Variants in TENM2 observed in about 807,000 individuals in gnomAD.
TENM2 encodes teneurin transmembrane protein 2, also known as teneurin-2.
In TENM2, 52 loss-of-function variants were observed where a neutral mutation model predicts 245.2. That is an observed-to-expected ratio of 0.21 (90% CI 0.17 to 0.27). TENM2 has a LOEUF of 0.27. Among genes scored for constraint, TENM2 ranks in the 10% least tolerant of loss-of-function variants. TENM2 has a pLI of 1.00. For synonymous variants in TENM2, 1,363 were observed against 1,438.9 expected, an observed-to-expected ratio of 0.95 and a Z score of 1.19; for missense variants, 3,046 against 3,666.8, an observed-to-expected ratio of 0.83 and a Z score of 4.37.
At chr5:168,164,618 GTTCC>G (rs1415463448) in intron 13 of TENM2, among the ~76,000 whole-genome samples, 1 of 152,112 alleles carries the variant, frequency 6.6e-6, no homozygotes, top group Non-Finnish European at 1.5e-5. Context: ...ATTTCCCCAT[GTTCC>G]TTCCTGATGG....
the TENM2 span, among the ~76,000 whole-genome samples, chr5:167,075,846 T>G: frequency 6.6e-6 from 1 of 152,284 alleles, no homozygotes; most frequent in Non-Finnish European, 1.5e-5. Flanking sequence ...CCCACCTACT[T>G]GCAAAAGGGC....
At chr5:167,567,673 G>C (rs988696037) in intron 2 of TENM2, among the ~76,000 whole-genome samples, 1 of 152,014 alleles carries the variant, frequency 6.6e-6, no homozygotes, top group African/African-American at 2.4e-5. Flanking sequence ...TTGAACACTG[G>C]TTGATGCGCA....
At chr5:168,158,823 G>A (rs1162722166) in intron 12 of TENM2, among the ~76,000 whole-genome samples, 15 of 64,472 alleles carry the variant, frequency 2.3e-4, no homozygotes, top group South Asian at 8.2e-4. Flanking sequence ...GTGTGTGTGT[G>A]TGTGTGTATA....
intron 3 of TENM2, among the ~76,000 whole-genome samples, chr5:167,901,145 C>T (rs1456669318): frequency 1.3e-5 from 2 of 152,066 alleles, no homozygotes; most frequent in African/African-American, 4.8e-5. Context: ...CAGAGATGAT[C>T]ACTGTTACCC....
chr5:168,217,684 C>T (rs1042554285), intron 22 of TENM2, among the ~76,000 whole-genome samples: 2 of 152,228 alleles, frequency 1.3e-5, no homozygotes, highest in African/African-American at 4.8e-5. Flanking sequence ...TCTTCCAAGT[C>T]ACATGGCTCC....
chr5:167,469,266 T>C (rs1376105514), intron 2 of TENM2, among the ~76,000 whole-genome samples: 1 of 152,134 alleles, frequency 6.6e-6, no homozygotes, highest in East Asian at 1.9e-4. Flanking sequence ...AATAAACATG[T>C]TTGATGGTTA....
chr5:167,334,860 G>A (rs1234934377), intron 1 of TENM2, among the ~76,000 whole-genome samples: 3 of 152,116 alleles, frequency 2.0e-5, no homozygotes, highest in South Asian at 2.1e-4. Flanking sequence ...AATTTATGGA[G>A]GACTTGTAGC....
intron 3 of TENM2, among the ~76,000 whole-genome samples, chr5:167,917,594 G>C (rs903498910): frequency 6.6e-6 from 1 of 152,312 alleles, no homozygotes; most frequent in South Asian, 2.1e-4. Flanking sequence ...CACCTCACCT[G>C]TCTAAGTCTT....
At chr5:167,762,289 T>A (rs1413859917) in intron 2 of TENM2, among the ~76,000 whole-genome samples, 5 of 152,206 alleles carry the variant, frequency 3.3e-5, no homozygotes, top group African/African-American at 1.2e-4. Context: ...AGACCTTTGT[T>A]TCACTCTTAG....
intron 2 of TENM2, among the ~76,000 whole-genome samples, chr5:167,416,748 G>A (rs1162736990): frequency 6.6e-6 from 1 of 151,944 alleles, no homozygotes; most frequent in Non-Finnish European, 1.5e-5. Context: ...GTAATATTCA[G>A]TAGTACAATG....
chr5:167,012,371 G>A, the TENM2 span, among the ~76,000 whole-genome samples: 2 of 152,196 alleles, frequency 1.3e-5, no homozygotes, highest in Non-Finnish European at 2.9e-5. Context: ...GGCTCTTGGA[G>A]CTCATTTTCT....
the TENM2 span, among the ~76,000 whole-genome samples, chr5:167,048,359 C>T: frequency 6.6e-6 from 1 of 152,154 alleles, no homozygotes; most frequent in Non-Finnish European, 1.5e-5. Flanking sequence ...TGTCCTTCTG[C>T]TTCTCTGAAT....
intron 1 of TENM2, among the ~76,000 whole-genome samples, chr5:167,293,345 G>A (rs750556549): frequency 1.3e-5 from 2 of 151,476 alleles, no homozygotes; most frequent in Non-Finnish European, 2.9e-5. Flanking sequence ...GGCATTACAG[G>A]GATGCGTCAC....
chr5:167,474,001 T>A lies in TENM2; in HGVS notation c.502+98528T>A, dbSNP rs186014757. Among the ~76,000 whole-genome samples the A allele has an allele frequency of 3.8e-3, 585 of 152,308 alleles. 4 individuals are homozygous for A. The highest frequency in any genetic ancestry group is 0.013 in the African/African-American group (549 of 41,576). On this transcript the variant is annotated intron_variant, in intron 2 of 28. Coordinates refer to ENST00000518659, the Ensembl canonical transcript of TENM2. ...ACTCTCTGATATTCAGTTTTCCATC[T>A]GTAATGATTTTTTCCTAGCAGGATT...
upstream of TENM2, among the ~76,000 whole-genome samples, chr5:167,282,855 A>G (rs1771135591): frequency 6.6e-6 from 1 of 152,114 alleles, no homozygotes; most frequent in African/African-American, 2.4e-5. Context: ...ATGCCACAGC[A>G]AAAACTGACA....
intron 3 of TENM2, among the ~76,000 whole-genome samples, chr5:167,928,112 C>T (rs1432412473): frequency 6.6e-6 from 1 of 152,272 alleles, no homozygotes; most frequent in Admixed American, 6.5e-5. Flanking sequence ...CCTCCTCTCC[C>T]TCCTTCTTCT....
chr5:167,046,868 C>G, the TENM2 span, among the ~76,000 whole-genome samples: 1 of 151,980 alleles, frequency 6.6e-6, no homozygotes, highest in East Asian at 2.0e-4. Flanking sequence ...CCCCCACCCC[C>G]CGACAGGCCC....
At chr5:168,054,304 T>C (rs1789356961) in intron 6 of TENM2, among the ~76,000 whole-genome samples, 1 of 152,222 alleles carries the variant, frequency 6.6e-6, no homozygotes, top group Non-Finnish European at 1.5e-5. Context: ...GGCTGATGGG[T>C]TGCTGATGTC....
At chr5:167,069,487 A>G in the TENM2 span, among the ~76,000 whole-genome samples, 2 of 152,198 alleles carry the variant, frequency 1.3e-5, no homozygotes, top group African/African-American at 4.8e-5. Context: ...ATTTTCTACA[A>G]ATATTAAATG....
Sources: gnomAD v4.1 joint callset for allele counts (sites outside exome capture counted in the v4.1 genomes callset) on GRCh38, gnomAD v4.1.1 for gene constraint, MANE v1.5 for transcripts, NCBI Gene and HGNC (gene_info 2026-07-23, HGNC 2026-07-21) for gene names.